DNAH5: variants seen among roughly 807,000 people sequenced by gnomAD.
DNAH5 encodes dynein axonemal heavy chain 5.
Under a neutral mutation model 518.2 loss-of-function variants are expected in DNAH5, and 372 were observed. The observed-to-expected ratio is 0.72, with a 90% confidence interval of 0.66 to 0.78. The LOEUF is 0.78. Ranked by LOEUF, DNAH5 falls within the 30% of genes least tolerant of loss-of-function variation. The pLI is 0.00. For missense variants in DNAH5, 5,523 were observed against 5,687.0 expected, an observed-to-expected ratio of 0.97 and a Z score of 0.93; for synonymous variants, 2,039 against 2,025.9, an observed-to-expected ratio of 1.01 and a Z score of -0.17.
At chr5:13,714,998 T>C (rs893293843) in intron 74 of DNAH5, among the ~76,000 whole-genome samples, 1 of 152,168 alleles carries the variant, frequency 6.6e-6, no homozygotes, top group African/African-American at 2.4e-5. Context: ...GGTTATTATG[T>C]TTAGAAGATA....
rs1162262582 is a variant in DNAH5, at chr5:13,798,735, ATTTAT to A, written c.7888-4682_7888-4678del. 5.6e-4 allele frequency among the ~76,000 whole-genome samples: 18 copies of A among 31,966 alleles called. 1 individual carries two copies. Among genetic ancestry groups the A allele is most frequent in the South Asian group, 1.4e-3 (2 of 1,388 alleles). 21.0% of individuals were successfully genotyped at this position (31,966 alleles called of 152,430 possible). A position where few individuals can be genotyped will look rare whatever the true frequency, so the allele number is the denominator to read the frequency against. ...CAGTGTACATTTTCATCATGATTTT[ATTTAT>A]TTTATTTATTTATTTATTTATTTAT... On this transcript the variant is annotated intron_variant, in intron 47 of 78. Transcript: ENST00000265104.
At chr5:13,719,905 C>A (rs1390906149) in intron 71 of DNAH5, among the ~76,000 whole-genome samples, 1 of 152,082 alleles carries the variant, frequency 6.6e-6, no homozygotes, top group Non-Finnish European at 1.5e-5. Flanking sequence ...CTGAATTATA[C>A]CATAAGGATA....
In DNAH5 at chr5:13,726,266, G is replaced by A. The variant is rs114607266; in HGVS notation, c.12033+1241C>T. Among the ~76,000 whole-genome samples, 1,026 of 152,270 alleles carry A rather than the reference G, an allele frequency of 6.7e-3. 15 individuals are homozygous for A. Among genetic ancestry groups the A allele is most frequent in the African/African-American group, 0.023 (956 of 41,542 alleles). On this transcript the variant is annotated intron_variant, in intron 70 of 78. Coordinates refer to ENST00000265104, the MANE Select transcript of DNAH5 (RefSeq NM_001369.3). ...CTTGTTTAGGACCTGGGCACTATAA[G>A]GGCCATGGGCAGATACTGCAGGACT...
At chr5:13,692,158 G>T (rs1420268652) in intron 78 of DNAH5, 23 bp from the exon 79 acceptor site, 4 of 1,613,342 alleles carry the variant, frequency 2.5e-6, no homozygotes, top group African/African-American at 2.7e-5. Context: ...TAAAAGAAAA[G>T]AACTTGGTGA....
At chr5:13,948,699 G>A (rs921368419), upstream of DNAH5, among the ~76,000 whole-genome samples, 2 of 152,210 alleles carry the variant, frequency 1.3e-5, no homozygotes, top group Admixed American at 6.5e-5. Flanking sequence ...CTAAGGTAGT[G>A]GGCCTTGCAG....
intron 25 of DNAH5, among the ~76,000 whole-genome samples, chr5:13,866,895 A>G (rs546049218): frequency 1.3e-5 from 2 of 152,310 alleles, no homozygotes; most frequent in Non-Finnish European, 2.9e-5. Context: ...ATTACACAAC[A>G]TATTTACATT....
chr5:13,885,432 T>C (rs1016667685), intron 18 of DNAH5, among the ~76,000 whole-genome samples: 3 of 152,106 alleles, frequency 2.0e-5, no homozygotes, highest in Non-Finnish European at 4.4e-5. Context: ...GAGGGACTGA[T>C]GGAAGCATCT....
chr5:13,813,303 C>T (rs72732636), intron 43 of DNAH5, among the ~76,000 whole-genome samples: 39,999 of 151,882 alleles, frequency 0.26, 5,788 homozygotes, highest in East Asian at 0.54. Flanking sequence ...TTAGCTAGTA[C>T]TCCTTAGCTA....
At chr5:13,701,559 CCT>C in intron 76 of DNAH5, 123 bp from the exon 77 acceptor site, 9 of 959,012 alleles carry the variant, frequency 9.4e-6, no homozygotes, top group Non-Finnish European at 1.4e-5. Context: ...GAAAAAAGTC[CCT>C]AAGTCATGAA....
intron 5 of DNAH5, among the ~76,000 whole-genome samples, chr5:13,920,992 A>T (rs1383880238): frequency 2.0e-5 from 3 of 146,488 alleles, no homozygotes; most frequent in African/African-American, 5.1e-5. Flanking sequence ...TTATTTTTTT[A>T]GTAGTAAAAA....
chr5:13,719,268 C>T (rs571744276), intron 71 of DNAH5, among the ~76,000 whole-genome samples, 167 bp from the exon 72 acceptor site: 3 of 152,248 alleles, frequency 2.0e-5, no homozygotes, highest in South Asian at 4.2e-4. Flanking sequence ...TTGCGATAAG[C>T]TATTTTATTT....
intron 12 of DNAH5, 140 bp from the exon 13 acceptor site, chr5:13,902,278 A>T (rs1774734078): frequency 6.0e-6 from 4 of 669,116 alleles, no homozygotes; most frequent in South Asian, 5.4e-5. Flanking sequence ...AGCTTAAAAG[A>T]AAAATAAATG....
At chr5:13,887,876 C>T (rs1772649585) in intron 17 of DNAH5, among the ~76,000 whole-genome samples, 1 of 152,128 alleles carries the variant, frequency 6.6e-6, no homozygotes, top group Non-Finnish European at 1.5e-5. Context: ...ACTGGGAATT[C>T]ATGGTCCCCA....
Position 13,862,741 on chromosome 5 carries a change from A to G in DNAH5, c.4603T>C (p.Cys1535Arg). The change falls in exon 29 of 79, where the codon TGT (cysteine) becomes CGT (arginine). Residue 1535 changes from cysteine to arginine, a missense_variant. Cys to Arg is a radical substitution (Grantham distance 180). Transcript: ENST00000265104. The part of the protein sequence containing the change: ...LKYKEEIEDI[C>R]ISAVKERDIE... ...TCTCTCTCTTTCACCGCACTGATAC[A>G]GATGTCCTATCAAAATGGCAAGCTC... The G allele has an allele frequency of 6.2e-7, 1 of 1,611,406 alleles. No homozygotes were observed. The highest frequency in any genetic ancestry group is 1.3e-5 in the African/African-American group (1 of 74,974).
At position 13,770,927 on chromosome 5, in the gene DNAH5, T is replaced by C. The variant is rs765325621; in HGVS notation, c.9427A>G (p.Lys3143Glu). 4 of 1,614,120 alleles carry C rather than the reference T, an allele frequency of 2.5e-6. No individual in the cohort carries two copies. Among genetic ancestry groups the C allele is most frequent in the Non-Finnish European group, 3.4e-6 (4 of 1,179,998 alleles). Residue 3143 changes from lysine (K) to glutamate (E), a missense_variant, in exon 56 of 79, where the codon AAG becomes GAG. Physicochemically the swap from Lys to Glu is moderately conservative, Grantham distance 56. Coordinates refer to ENST00000265104, the MANE Select transcript of DNAH5 (RefSeq NM_001369.3). ...YDIDCSLEIK[K>E]EVVQCMGSFQ... ...GAGCCCATGCATTGGACCACCTCCT[T>C]CTTGATTTCCAAACTGCAGTCAATA...
intron 1 of DNAH5, among the ~76,000 whole-genome samples, chr5:13,990,318 C>T (rs10044867): frequency 0.63 from 95,732 of 151,582 alleles, 31,621 homozygotes; most frequent in South Asian, 0.79. Context: ...TTTGGGAGGC[C>T]GAGGCGGGTG....
intron 70 of DNAH5, among the ~76,000 whole-genome samples, chr5:13,725,828 A>G (rs1448568438): frequency 6.6e-6 from 1 of 152,102 alleles, no homozygotes; most frequent in Non-Finnish European, 1.5e-5. Flanking sequence ...TAATTTTTGC[A>G]TTTTTAGCAG....
rs866324367 is a variant in DNAH5 at position 13,792,016 on chromosome 5, G to A, written c.8426C>T (p.Ser2809Leu). 6.2e-7 allele frequency: 1 copy of A among 1,613,830 alleles called. No homozygotes were observed. Among genetic ancestry groups the A allele is most frequent in the Non-Finnish European group, 8.5e-7 (1 of 1,179,904 alleles). ...TACATTTGGTTCCTTGATGACCTCT[G>A]AAGTAGTGTTCAGCATTCCCTGCCA... ...RVWQGMLNTT[S>L]EVIKEPNDLL... is the part of the protein sequence containing the mutation. Residue 2809 changes from serine (S) to leucine (L), a missense_variant, in exon 50 of 79, where the codon TCA (serine) becomes TTA (leucine). Physicochemically the swap from Ser to Leu is moderately radical, Grantham distance 145. Around this residue, in one of 3 missense-constraint regions of DNAH5, gnomAD observed 5,121 missense variants for 5,223.3 expected, o/e 0.98. Transcript: ENST00000265104.
intron 22 of DNAH5, among the ~76,000 whole-genome samples, chr5:13,876,294 G>A (rs571415595): frequency 4.6e-5 from 7 of 152,128 alleles, no homozygotes; most frequent in South Asian, 2.1e-4. Context: ...ACATTTGCCC[G>A]ACTACTCAAA....
Sources: allele counts gnomAD v4.1 joint callset (sites outside exome capture counted in the v4.1 genomes callset), GRCh38; gene constraint gnomAD v4.1.1; regional missense constraint gnomAD v4.1.1; transcripts MANE v1.5; gene names NCBI Gene and HGNC (gene_info 2026-07-23, HGNC 2026-07-21).